The following POLR3B variants were observed in gnomAD, a reference collection of about 807,000 sequenced individuals.
The protein encoded by POLR3B is RNA polymerase III subunit B, also known as DNA-directed RNA polymerase III subunit RPC2.
In POLR3B, 96 loss-of-function variants were observed where a neutral mutation model predicts 147.4. The observed-to-expected ratio is 0.65, with a 90% CI of 0.55 to 0.77. POLR3B has a LOEUF of 0.77. Among genes scored for constraint, POLR3B ranks in the 30% least tolerant of loss-of-function variants. POLR3B has a pLI of 0.00. For synonymous variants in POLR3B, 461 were observed against 485.9 expected, an observed-to-expected ratio of 0.95 and a Z score of 0.67; for missense variants, 1,036 against 1,413.5, an observed-to-expected ratio of 0.73 and a Z score of 4.28.
intron 23 of POLR3B, among the ~76,000 whole-genome samples, chr12:106,479,302 G>A (rs1295318251): frequency 5.3e-5 from 8 of 150,256 alleles, no homozygotes; most frequent in African/African-American, 1.7e-4. Flanking sequence ...TTTGATCAAC[G>A]TTATTTTTCA....
At chr12:106,358,153 G>T (rs898119278) in intron 1 of POLR3B, 26 of 1,451,378 alleles carry the variant, frequency 1.8e-5, no homozygotes, top group African/African-American at 5.7e-5. Context: ...GATCCCAGAG[G>T]AGCTGTCAGC....
At chr12:106,459,898 T>C (rs568405596) in intron 22 of POLR3B, among the ~76,000 whole-genome samples, 8 of 152,180 alleles carry the variant, frequency 5.3e-5, no homozygotes, top group African/African-American at 1.9e-4. Flanking sequence ...GACTTGTTAA[T>C]CTCTAAATTT....
intron 23 of POLR3B, among the ~76,000 whole-genome samples, chr12:106,486,221 G>A (rs572698997): frequency 2.7e-5 from 4 of 150,312 alleles, no homozygotes; most frequent in South Asian, 2.1e-4. Flanking sequence ...CCTGGGAGGC[G>A]GAGCTTGCAG....
At chr12:106,411,001 T>A in intron 12 of POLR3B, 41 bp downstream of exon 12, 1 of 1,586,608 alleles carries the variant, frequency 6.3e-7, no homozygotes, top group East Asian at 2.2e-5. Context: ...TTTTCCTTAA[T>A]GAAAATTAAT....
At chr12:106,371,968 G>A (rs2036614179) in intron 6 of POLR3B, among the ~76,000 whole-genome samples, 2 of 151,908 alleles carry the variant, frequency 1.3e-5, no homozygotes, top group African/African-American at 2.4e-5. Flanking sequence ...AATAAAAAGA[G>A]GGGGCATGTA....
chr12:106,397,124 CAAA>C (rs1261298197), intron 10 of POLR3B, among the ~76,000 whole-genome samples: 1 of 107,998 alleles, frequency 9.3e-6, no homozygotes, highest in African/African-American at 3.3e-5. Flanking sequence ...GACCCTGTCT[CAAA>C]AAAAAAAAAA....
At chr12:106,464,703 T>TC in intron 23 of POLR3B, among the ~76,000 whole-genome samples, 1 of 152,350 alleles carries the variant, frequency 6.6e-6, no homozygotes, top group East Asian at 1.9e-4. Context: ...ACCTTGACTC[T>TC]CACATTTGCT....
intron 10 of POLR3B, among the ~76,000 whole-genome samples, chr12:106,398,568 C>T (rs1219819180): frequency 6.6e-6 from 1 of 152,210 alleles, no homozygotes; most frequent in Non-Finnish European, 1.5e-5. Flanking sequence ...AATAGCCTAA[C>T]TGGGAGGCAC....
At chr12:106,426,847 C>A (rs1339212613) in intron 12 of POLR3B, among the ~76,000 whole-genome samples, 2 of 98,178 alleles carry the variant, frequency 2.0e-5, no homozygotes, top group Non-Finnish European at 4.8e-5. Context: ...CGTCCCCCCC[C>A]CCCCCCCCCG....
At chr12:106,361,441 C>CTTAAGTA (rs1367800821) in intron 1 of POLR3B, among the ~76,000 whole-genome samples, 4 of 152,100 alleles carry the variant, frequency 2.6e-5, no homozygotes, top group Admixed American at 6.5e-5. Context: ...ACATACTGAT[C>CTTAAGTA]TTAAGTAGCC....
chr12:106,385,503 C>G (rs917649376), intron 9 of POLR3B, among the ~76,000 whole-genome samples: 1 of 152,300 alleles, frequency 6.6e-6, no homozygotes, highest in Non-Finnish European at 1.5e-5. Flanking sequence ...AAGAGATCCT[C>G]TGAGGCTGAA....
intron 1 of POLR3B, chr12:106,358,339 C>G: frequency 9.8e-6 from 8 of 817,124 alleles, no homozygotes; most frequent in Non-Finnish European, 1.1e-5. Flanking sequence ...GCACCACAGC[C>G]GGCTGTGGGG....
chr12:106,372,369 A>C (rs1190335912), intron 6 of POLR3B, among the ~76,000 whole-genome samples: 1 of 132,474 alleles, frequency 7.5e-6, no homozygotes. Context: ...GATGGAATTC[A>C]CTCTGTTGCC....
Position 106,496,986 on chromosome 12 carries a change from TAA to T in POLR3B, c.2984+69_2984+70del, listed in dbSNP as rs2038498623. ...TACTAGGATAGGGGAGACAAAGCCT[TAA>T]GGTATACTCTATTAAGTATACCTTC... On this transcript the variant is annotated intron_variant, in intron 25 of 27. Coordinates refer to ENST00000228347, the MANE Select transcript of POLR3B (RefSeq NM_018082.6). 2.1e-6 allele frequency: 3 copies of T among 1,451,144 alleles called. No individual in the cohort carries two copies. In the East Asian group the frequency reaches 6.9e-5, roughly 33 times the overall value. The allele number at this position is 1,451,144 out of a possible 1,614,324, so 89.9% of individuals were successfully genotyped here.
At chr12:106,476,619 A>G (rs1303939603) in intron 23 of POLR3B, among the ~76,000 whole-genome samples, 5 of 140,470 alleles carry the variant, frequency 3.6e-5, no homozygotes, top group Admixed American at 2.1e-4. Flanking sequence ...CATTCATTTC[A>G]TCTTCCATTG....
rs1592998271 is a variant in POLR3B at position 106,363,758 on chromosome 12, ATTC to A, written c.73-109_73-107del. On this transcript the variant is annotated intron_variant, in intron 1 of 27. Transcript: ENST00000228347. ...ATTTCCATAAAAATGTTTAAAAATTATTCTTTTTGTTTTGATTTACTTTCCTTT... is the reference window on the plus strand; with the variant it reads ...ATTTCCATAAAAATGTTTAAAAATTATTTTTGTTTTGATTTACTTTCCTTT... 86 of 895,978 alleles carry A rather than the reference ATTC, an allele frequency of 9.6e-5. No individual in the cohort carries two copies. In the East Asian group the frequency reaches 2.0e-3, roughly 21 times the overall value. 55.5% of individuals were successfully genotyped at this position (895,978 alleles called of 1,614,324 possible). A position where few individuals can be genotyped will look rare whatever the true frequency, so the allele number is the denominator to read the frequency against.
chr12:106,382,079 C>T (rs746380249), intron 9 of POLR3B: 1 of 152,240 alleles, frequency 6.6e-6, no homozygotes, highest in African/African-American at 2.4e-5. Flanking sequence ...TCTGTTTTAT[C>T]AGCAAGGTCT....
chr12:106,460,002 T>C (rs962822156), intron 22 of POLR3B, among the ~76,000 whole-genome samples: 1 of 152,154 alleles, frequency 6.6e-6, no homozygotes, highest in Non-Finnish European at 1.5e-5. Flanking sequence ...CTAGAAGAGA[T>C]ATCTAACCTA....
chr12:106,458,488 G>T (rs1308752195), intron 21 of POLR3B, among the ~76,000 whole-genome samples: 1 of 152,130 alleles, frequency 6.6e-6, no homozygotes. Context: ...TCTGACTACA[G>T]TGTAGAAAAA....
Sources: gnomAD v4.1 joint callset for allele counts (sites outside exome capture counted in the v4.1 genomes callset) on GRCh38, gnomAD v4.1.1 for gene constraint, MANE v1.5 for transcripts, NCBI Gene and HGNC (gene_info 2026-07-23, HGNC 2026-07-21) for gene names.